The following KAZN variants were observed in gnomAD, a reference collection of about 807,000 sequenced individuals.
The protein encoded by KAZN is kazrin.
Under a neutral mutation model 87.4 loss-of-function variants are expected in KAZN, and 40 were observed. The observed-to-expected ratio is 0.46, with a 90% CI of 0.36 to 0.60. The LOEUF (loss-of-function observed/expected upper bound fraction) is 0.60. KAZN is among the 20% of genes least tolerant of loss of function. KAZN has a pLI of 0.00. For synonymous variants in KAZN, 466 were observed against 458.3 expected (o/e 1.02, Z -0.22); for missense variants, 898 against 1,073.9 (o/e 0.84, Z 2.29).
chr1:14,797,558 A>T (rs1015466658), intron 1 of KAZN, among the ~76,000 whole-genome samples: 1 of 152,246 alleles, frequency 6.6e-6, no homozygotes, highest in African/African-American at 2.4e-5. Flanking sequence ...CGGAATGCAG[A>T]GTTAACAATA....
rs148172453 is a variant in KAZN, at chr1:14,930,335, A to G, written c.227-30349A>G. Reference sequence around the variant, plus strand: ...TGTGTTCACTACCTTTTAATTGTACAGAAGTTTCAGAAAAGCTCTCCTGGG... The same window carrying G: ...TGTGTTCACTACCTTTTAATTGTACGGAAGTTTCAGAAAAGCTCTCCTGGG... On this transcript the variant is annotated intron_variant, in intron 1 of 14. Coordinates refer to ENST00000376030, the MANE Select transcript of KAZN (RefSeq NM_201628.3). 2.5e-4 allele frequency among the ~76,000 whole-genome samples: 38 copies of G among 152,310 alleles called. No homozygotes were observed. The East Asian group carries it at 7.1e-3, about 29-fold the overall frequency.
chr1:14,407,385 T>C (rs1389537979), intron 2 of KAZN, among the ~76,000 whole-genome samples: 9 of 152,166 alleles, frequency 5.9e-5, no homozygotes, highest in African/African-American at 1.9e-4. Context: ...TGCTGGTCAT[T>C]GAAAGAAGTC....
intron 2 of KAZN, among the ~76,000 whole-genome samples, chr1:14,965,941 G>GTTA (rs1391646224): frequency 6.7e-6 from 1 of 148,384 alleles, no homozygotes; most frequent in Non-Finnish European, 1.5e-5. Context: ...TGCATTATAT[G>GTTA]TTAACATAAG....
chr1:14,144,184 C>T (rs1645298406), intron 1 of KAZN, among the ~76,000 whole-genome samples: 1 of 152,328 alleles, frequency 6.6e-6, no homozygotes, highest in East Asian at 1.9e-4. Context: ...AAGCAGTTCT[C>T]TATCTCTGTT....
intron 1 of KAZN, among the ~76,000 whole-genome samples, chr1:14,873,421 A>C (rs1013820018): frequency 6.6e-6 from 1 of 152,238 alleles, no homozygotes; most frequent in Non-Finnish European, 1.5e-5. Context: ...CTGCTGTTTC[A>C]CATAGGGTGG....
chr1:14,723,672 C>T (rs1326633184), intron 1 of KAZN, among the ~76,000 whole-genome samples: 1 of 152,220 alleles, frequency 6.6e-6, no homozygotes, highest in Non-Finnish European at 1.5e-5. Flanking sequence ...TCCTTTTCCA[C>T]CCGAGTGCTC....
At chr1:14,571,282 G>C (rs1447886279) in intron 2 of KAZN, among the ~76,000 whole-genome samples, 2 of 151,532 alleles carry the variant, frequency 1.3e-5, no homozygotes, top group East Asian at 1.9e-4. Flanking sequence ...ATTAGGTCTA[G>C]GGTTAAACGG....
At chr1:14,495,644 C>T (rs561619765) in intron 2 of KAZN, among the ~76,000 whole-genome samples, 6 of 152,022 alleles carry the variant, frequency 3.9e-5, no homozygotes, top group Non-Finnish European at 5.9e-5. Context: ...TATTAGGATC[C>T]CTGTGAGTCT....
intron 1 of KAZN, among the ~76,000 whole-genome samples, chr1:14,747,280 A>C (rs1644287497): frequency 6.6e-6 from 1 of 151,876 alleles, no homozygotes; most frequent in Non-Finnish European, 1.5e-5. Context: ...TTATTTATTT[A>C]TTTATTTATT....
At chr1:14,323,112 T>G (rs1162231631) in intron 2 of KAZN, among the ~76,000 whole-genome samples, 1 of 152,158 alleles carries the variant, frequency 6.6e-6, no homozygotes, top group Non-Finnish European at 1.5e-5. Flanking sequence ...CGTGATTCAG[T>G]TACCTCAACC....
intron 2 of KAZN, among the ~76,000 whole-genome samples, chr1:14,274,714 G>A (rs995626068): frequency 6.6e-6 from 1 of 152,162 alleles, no homozygotes; most frequent in Non-Finnish European, 1.5e-5. Context: ...GCTGTGACGT[G>A]GGGAGCAGGT....
intron 1 of KAZN, among the ~76,000 whole-genome samples, chr1:14,950,379 G>A (rs1662338282): frequency 6.6e-6 from 1 of 152,076 alleles, no homozygotes; most frequent in Admixed American, 6.5e-5. Context: ...AAGAAGATGG[G>A]GCTGTTTCCA....
intron 2 of KAZN, among the ~76,000 whole-genome samples, chr1:14,387,955 C>A (rs916833211): frequency 2.6e-5 from 4 of 152,214 alleles, no homozygotes; most frequent in African/African-American, 4.8e-5. Flanking sequence ...GCTGTGCTAG[C>A]AATCAGCGAG....
intron 1 of KAZN, among the ~76,000 whole-genome samples, chr1:14,175,260 C>A (rs1157304252): frequency 6.6e-6 from 1 of 152,188 alleles, no homozygotes; most frequent in African/African-American, 2.4e-5. Context: ...CCTGCCACTA[C>A]GCCTGGCTGA....
chr1:14,354,422 G>T lies in KAZN; in HGVS notation c.249+173830G>T, dbSNP rs115648527. Among the ~76,000 whole-genome samples, 598 of 152,042 alleles carry T rather than the reference G, an allele frequency of 3.9e-3. 3 individuals carry two copies. Among genetic ancestry groups the T allele is most frequent in the African/African-American group, 0.013 (553 of 41,486 alleles). On this transcript the variant is annotated intron_variant, in intron 2 of 16. Coordinates refer to the KAZN transcript ENST00000636203. ...TTTCACAGTGCCTACATCCAACAAA[G>T]AATTTGTATTCAGAATATGTAAAAA...
At chr1:14,203,192 A>T (rs1311720416) in intron 2 of KAZN, among the ~76,000 whole-genome samples, 1 of 152,140 alleles carries the variant, frequency 6.6e-6, no homozygotes, top group African/African-American at 2.4e-5. Flanking sequence ...GACAGTGAAA[A>T]ATGGATTCTG....
At chr1:14,908,531 A>C (rs1656869510) in intron 1 of KAZN, among the ~76,000 whole-genome samples, 4 of 152,016 alleles carry the variant, frequency 2.6e-5, no homozygotes, top group Admixed American at 2.0e-4. Context: ...GACAGAGTGA[A>C]ACCCTGTTTC....
intron 1 of KAZN, among the ~76,000 whole-genome samples, chr1:14,862,642 G>A (rs1651001339): frequency 6.6e-6 from 1 of 152,114 alleles, no homozygotes; most frequent in Non-Finnish European, 1.5e-5. Flanking sequence ...CCTAGGATGC[G>A]AGCAGCCATT....
At chr1:14,026,877 T>A (rs1365387130) in intron 1 of KAZN, among the ~76,000 whole-genome samples, 2 of 151,976 alleles carry the variant, frequency 1.3e-5, no homozygotes, top group African/African-American at 4.8e-5. Context: ...GTGGGTTCTG[T>A]GGGGGATCAT....
Sources: gnomAD v4.1 joint callset for allele counts (sites outside exome capture counted in the v4.1 genomes callset) on GRCh38, gnomAD v4.1.1 for gene constraint, MANE v1.5 for transcripts, NCBI Gene and HGNC (gene_info 2026-07-23, HGNC 2026-07-21) for gene names.